PPP4R4: variants seen among roughly 807,000 people sequenced by gnomAD.
PPP4R4 encodes the protein serine/threonine-protein phosphatase 4 regulatory subunit 4.
PPP4R4 carries 70 observed loss-of-function variants against 121.8 expected under a neutral mutation model. The observed-to-expected ratio is 0.57, with a 90% CI of 0.47 to 0.70. The LOEUF (loss-of-function observed/expected upper bound fraction) is 0.70, where lower values mean the gene tolerates loss of function less well. PPP4R4 is among the 30% of genes least tolerant of loss of function. The pLI is 0.00. For missense variants in PPP4R4, 875 were observed against 1,033.6 expected, an observed-to-expected ratio of 0.85 and a Z score of 2.10; for synonymous variants, 348 against 355.7, an observed-to-expected ratio of 0.98 and a Z score of 0.24.
intron 23 of PPP4R4, among the ~76,000 whole-genome samples, chr14:94,268,294 C>T (rs929101547): frequency 6.6e-6 from 1 of 152,178 alleles, no homozygotes; most frequent in South Asian, 2.1e-4. Context: ...TCTCACCTGT[C>T]CTCTTGGTAC....
intron 2 of PPP4R4, among the ~76,000 whole-genome samples, chr14:94,195,468 T>C (rs2139414885): frequency 6.6e-6 from 1 of 152,346 alleles, no homozygotes; most frequent in Non-Finnish European, 1.5e-5. Context: ...GCTCAACATA[T>C]ATGTTGAACT....
intron 3 of PPP4R4, among the ~76,000 whole-genome samples, chr14:94,216,223 C>T (rs1444906749): frequency 2.6e-5 from 4 of 152,188 alleles, no homozygotes; most frequent in Non-Finnish European, 5.9e-5. Context: ...ATTCTAATAA[C>T]AGTAGGTTAT....
chr14:94,234,296 C>T (rs1453535850), intron 6 of PPP4R4, among the ~76,000 whole-genome samples: 1 of 152,194 alleles, frequency 6.6e-6, no homozygotes, highest in Non-Finnish European at 1.5e-5. Context: ...TCTACTGCTA[C>T]AGCCTTTTAT....
chr14:94,276,281 T>G (rs2139674297), intron 24 of PPP4R4, among the ~76,000 whole-genome samples: 1 of 152,350 alleles, frequency 6.6e-6, no homozygotes, highest in South Asian at 2.1e-4. Flanking sequence ...GCATGGGCAT[T>G]TTTGAATAAA....
intron 23 of PPP4R4, among the ~76,000 whole-genome samples, chr14:94,274,964 G>A (rs1894553805): frequency 6.6e-6 from 1 of 152,164 alleles, no homozygotes; most frequent in Non-Finnish European, 1.5e-5. Flanking sequence ...TAGAAAGGAA[G>A]GAAGTATTGA....
chr14:94,250,280 A>G lies in PPP4R4; in HGVS notation c.1717+3A>G, dbSNP rs759851652. 6 of 1,570,186 alleles carry G rather than the reference A, an allele frequency of 3.8e-6. No individual in the cohort carries two copies. The highest frequency in any genetic ancestry group is 3.3e-5 in the South Asian group (3 of 90,048). Reference sequence around the variant, plus strand: ...GGTCATTCAAAAATTAATTGAACGTAAGTAATCATTGTCTACTATTTTGAA... The same window carrying G: ...GGTCATTCAAAAATTAATTGAACGTGAGTAATCATTGTCTACTATTTTGAA... On this transcript the variant is annotated splice_donor_region_variant and intron_variant, in intron 15 of 24. Transcript: ENST00000304338.
At chr14:94,192,252 A>G (rs1034562569) in intron 2 of PPP4R4, among the ~76,000 whole-genome samples, 1 of 152,124 alleles carries the variant, frequency 6.6e-6, no homozygotes, top group Non-Finnish European at 1.5e-5. Context: ...TAAGAATTTC[A>G]TTTTACAGGA....
rs749046360 is a variant in PPP4R4 at position 94,278,691 on chromosome 14, G to A, written c.*48G>A. ...CAAAACAAAGGCAGCAGGAGATAAT[G>A]TGATTGGTACACAAAAGCTAAAGCA... On this transcript the variant is annotated 3_prime_UTR_variant, in exon 25 of 25. Transcript: ENST00000304338. The A allele has an allele frequency of 1.6e-5, 25 of 1,529,502 alleles. No homozygotes were observed. Among genetic ancestry groups the A allele is most frequent in the Admixed American group, 3.7e-5 (2 of 53,814 alleles). 94.7% of individuals were successfully genotyped at this position (1,529,502 alleles called of 1,614,324 possible).
In PPP4R4 at chr14:94,208,515, G is replaced by A. The variant is rs756621895; in HGVS notation, c.243G>A (p.Leu81=). ...GTGTGATTGCAAATCTCCCATTTTT[G>A]ATGCGACAGAATCCCACTGAGACGC... ...GTSVIANLPF[L]MRQNPTETLR... The change falls in exon 3 of 25, where the codon TTG becomes TTA. Residue 81 remains leucine, a synonymous_variant. Transcript: ENST00000304338. The A allele has an allele frequency of 4.3e-6, 7 of 1,612,024 alleles. No individual in the cohort carries two copies. In the South Asian group the frequency reaches 5.5e-5, roughly 13 times the overall value.
intron 2 of PPP4R4, among the ~76,000 whole-genome samples, chr14:94,182,432 C>T (rs1731726024): frequency 6.6e-6 from 1 of 152,078 alleles, no homozygotes; most frequent in Non-Finnish European, 1.5e-5. Context: ...GTCCCAGTGC[C>T]CTGTACTTCC....
At chr14:94,188,547 A>G (rs909967517) in intron 2 of PPP4R4, among the ~76,000 whole-genome samples, 2 of 152,122 alleles carry the variant, frequency 1.3e-5, no homozygotes, top group Non-Finnish European at 1.5e-5. Flanking sequence ...CTTGACAGGG[A>G]TATGTCTATC....
chr14:94,249,431 A>G (rs1039608779), intron 14 of PPP4R4, among the ~76,000 whole-genome samples: 30 of 152,214 alleles, frequency 2.0e-4, no homozygotes, highest in African/African-American at 7.2e-4. Context: ...AAGGATCCCC[A>G]CTATAATATT....
At chr14:94,220,837 CA>C (rs1310771352) in intron 3 of PPP4R4, among the ~76,000 whole-genome samples, 1 of 151,974 alleles carries the variant, frequency 6.6e-6, no homozygotes, top group African/African-American at 2.4e-5. Context: ...ATATTTAATG[CA>C]AAATAATCAA....
chr14:94,232,642 G>A (rs1455403885), intron 5 of PPP4R4, among the ~76,000 whole-genome samples: 1 of 152,136 alleles, frequency 6.6e-6, no homozygotes, highest in Non-Finnish European at 1.5e-5. Context: ...AGTAATTCCA[G>A]CTACTTTGAG....
chr14:94,174,366 A>G lies in PPP4R4; in HGVS notation c.-100A>G. On this transcript the variant is annotated 5_prime_UTR_variant, in exon 1 of 25. Transcript: ENST00000304338. ...AGCCTCACGCTCGGCTCCAGCGGCCAAGAGCCGGAGAAAGTCCTGCTGGTG... is the reference window on the plus strand; with the variant it reads ...AGCCTCACGCTCGGCTCCAGCGGCCGAGAGCCGGAGAAAGTCCTGCTGGTG... 3 of 1,100,966 alleles carry G rather than the reference A, an allele frequency of 2.7e-6. No homozygotes were observed. Among genetic ancestry groups the G allele is most frequent in the Non-Finnish European group, 1.2e-6 (1 of 858,132 alleles). 68.2% of individuals were successfully genotyped at this position (1,100,966 alleles called of 1,614,324 possible).
At chr14:94,211,479 G>C (rs1415038115) in intron 3 of PPP4R4, among the ~76,000 whole-genome samples, 2 of 152,178 alleles carry the variant, frequency 1.3e-5, no homozygotes, top group Non-Finnish European at 2.9e-5. Flanking sequence ...TTAGCCCTAA[G>C]GTGAAAGAGC....
intron 2 of PPP4R4, among the ~76,000 whole-genome samples, chr14:94,189,980 T>G (rs1277309213): frequency 6.6e-6 from 1 of 152,110 alleles, no homozygotes; most frequent in South Asian, 2.1e-4. Context: ...TAATTGGGTC[T>G]CTTCTCCTTC....
chr14:94,190,672 G>A (rs1415907835), intron 2 of PPP4R4, among the ~76,000 whole-genome samples: 2 of 152,026 alleles, frequency 1.3e-5, no homozygotes, highest in East Asian at 1.9e-4. Flanking sequence ...TTGTTAATGA[G>A]GAAATAGAAA....
chr14:94,182,813 T>C (rs1889060992), intron 2 of PPP4R4, among the ~76,000 whole-genome samples: 2 of 152,198 alleles, frequency 1.3e-5, no homozygotes, highest in African/African-American at 4.8e-5. Flanking sequence ...GGTCATAGCA[T>C]ATGCCTATGT....
Sources: gnomAD v4.1 joint callset for allele counts (sites outside exome capture counted in the v4.1 genomes callset) on GRCh38, gnomAD v4.1.1 for gene constraint, MANE v1.5 for transcripts, NCBI Gene and HGNC (gene_info 2026-07-23, HGNC 2026-07-21) for gene names.